Variants in WWOX observed in about 807,000 individuals in gnomAD.
WWOX encodes the protein WW domain-containing oxidoreductase.
Under a neutral mutation model 46.2 loss-of-function variants are expected in WWOX, and 69 were observed. That is an observed-to-expected ratio of 1.49 (90% CI 1.23 to 1.82). WWOX has a LOEUF of 1.82. Ranked by LOEUF, WWOX falls within the 40% of genes most tolerant of loss-of-function variation. The pLI, the probability that WWOX is intolerant of heterozygous loss-of-function variation, is 0.00. For missense variants in WWOX, 919 were observed against 542.6 expected, an observed-to-expected ratio of 1.69 and a Z score of -6.89; for synonymous variants, 359 against 202.6, an observed-to-expected ratio of 1.77 and a Z score of -6.56.
At chr16:78,426,647 G>A (rs138502046) in intron 7 of WWOX, among the ~76,000 whole-genome samples, 5 of 152,096 alleles carry the variant, frequency 3.3e-5, no homozygotes, top group African/African-American at 7.2e-5. Flanking sequence ...ATTATTCTTT[G>A]CACATCGTTA....
intron 8 of WWOX, among the ~76,000 whole-genome samples, chr16:79,144,998 GA>G (rs1258804943): frequency 6.6e-6 from 1 of 152,136 alleles, no homozygotes; most frequent in Non-Finnish European, 1.5e-5. Flanking sequence ...GGGGGTCTTG[GA>G]GTATATCCCC....
intron 8 of WWOX, among the ~76,000 whole-genome samples, chr16:78,911,881 A>T (rs1026507763): frequency 6.6e-6 from 1 of 151,976 alleles, no homozygotes; most frequent in Admixed American, 6.6e-5. Flanking sequence ...GAAAAACTCA[A>T]CGAAACACCC....
chr16:78,568,989 T>G (rs1250999622), intron 8 of WWOX, among the ~76,000 whole-genome samples: 1 of 152,208 alleles, frequency 6.6e-6, no homozygotes, highest in Non-Finnish European at 1.5e-5. Context: ...TACTCTGGAT[T>G]TACCCAGATA....
chr16:78,903,363 C>T (rs1391843529), intron 8 of WWOX, among the ~76,000 whole-genome samples: 1 of 152,178 alleles, frequency 6.6e-6, no homozygotes, highest in Non-Finnish European at 1.5e-5. Context: ...TACAGAGTTG[C>T]TCTTTTATGC....
intron 8 of WWOX, among the ~76,000 whole-genome samples, chr16:78,449,151 G>A (rs889742864): frequency 3.3e-5 from 5 of 152,172 alleles, no homozygotes; most frequent in African/African-American, 7.2e-5. Context: ...TGGCCCAGTG[G>A]ATTGAAGGCT....
intron 5 of WWOX, among the ~76,000 whole-genome samples, chr16:78,191,236 G>T (rs969884243): frequency 6.6e-6 from 1 of 152,132 alleles, no homozygotes; most frequent in African/African-American, 2.4e-5. Context: ...CCCTCCTCTT[G>T]GGGCCCACAG....
intron 5 of WWOX, among the ~76,000 whole-genome samples, chr16:78,206,393 T>C (rs144146043): frequency 0.012 from 1,800 of 152,218 alleles, 24 homozygotes; most frequent in Middle Eastern, 0.024. Context: ...AAAAAAAAGG[T>C]AAAGGTAAAG....
chr16:79,046,917 C>G (rs1190201699), intron 8 of WWOX, among the ~76,000 whole-genome samples: 1 of 152,172 alleles, frequency 6.6e-6, no homozygotes, highest in Non-Finnish European at 1.5e-5. Context: ...TACTCAAATT[C>G]TTAAACAACT....
At chr16:78,153,711 C>G (rs1463396188) in intron 4 of WWOX, among the ~76,000 whole-genome samples, 1 of 152,224 alleles carries the variant, frequency 6.6e-6, no homozygotes. Flanking sequence ...TTAATAATAA[C>G]CACCCATTAG....
chr16:78,504,097 C>T (rs748186713), intron 8 of WWOX, among the ~76,000 whole-genome samples: 1 of 152,052 alleles, frequency 6.6e-6, no homozygotes, highest in Admixed American at 6.6e-5. Context: ...ATGATTAATT[C>T]TCCTATTAAG....
rs1567596309 is a variant in WWOX, at chr16:78,144,458, TATATAC to T, written c.410-19723_410-19718del. 7.8e-4 allele frequency among the ~76,000 whole-genome samples: 27 copies of T among 34,664 alleles called. 8 individuals carry two copies. The highest frequency in any genetic ancestry group is 2.9e-3 in the African/African-American group (25 of 8,608). 22.7% of individuals were successfully genotyped at this position (34,664 alleles called of 152,430 possible). A position where few individuals can be genotyped will look rare whatever the true frequency, so the allele number is the denominator to read the frequency against. On this transcript the variant is annotated intron_variant, in intron 4 of 8. Coordinates refer to ENST00000566780, the MANE Select transcript of WWOX (RefSeq NM_016373.4). ...ATATATATATATATACACATATATA[TATATAC>T]ACACATATATATATATATATATACA...
chr16:78,881,141 C>T (rs1363859820), intron 8 of WWOX, among the ~76,000 whole-genome samples: 2 of 151,790 alleles, frequency 1.3e-5, no homozygotes, highest in African/African-American at 2.4e-5. Flanking sequence ...CACAGGGGCA[C>T]ACCACCATGC....
At chr16:78,592,122 T>A (rs1334087624) in intron 8 of WWOX, among the ~76,000 whole-genome samples, 3 of 152,228 alleles carry the variant, frequency 2.0e-5, no homozygotes, top group African/African-American at 7.2e-5. Context: ...TATTACAATA[T>A]ATGATGTGCA....
intron 8 of WWOX, among the ~76,000 whole-genome samples, chr16:78,435,612 TAGAA>T (rs139116832): frequency 0.01 from 1,585 of 152,256 alleles, 14 homozygotes; most frequent in Non-Finnish European, 0.019. Flanking sequence ...GGGGCACTCA[TAGAA>T]AGGGCACTGG....
At chr16:78,607,419 T>A (rs1036032424) in intron 8 of WWOX, among the ~76,000 whole-genome samples, 1 of 152,202 alleles carries the variant, frequency 6.6e-6, no homozygotes, top group Admixed American at 6.5e-5. Context: ...TATCTTTGCA[T>A]ATATTTGTCC....
At chr16:79,210,110 C>CCAAGT (rs1281431487) in intron 8 of WWOX, among the ~76,000 whole-genome samples, 2 of 152,182 alleles carry the variant, frequency 1.3e-5, no homozygotes, top group Non-Finnish European at 2.9e-5. Context: ...TTATCAAAAC[C>CCAAGT]CAAGTCTTTG....
At chr16:78,797,279 A>G (rs948781231) in intron 8 of WWOX, among the ~76,000 whole-genome samples, 2 of 151,576 alleles carry the variant, frequency 1.3e-5, no homozygotes, top group Non-Finnish European at 1.5e-5. Flanking sequence ...CCTCTGACCC[A>G]AATAAGAACA....
chr16:78,427,643 G>C (rs1030116408), intron 7 of WWOX, among the ~76,000 whole-genome samples: 3 of 152,028 alleles, frequency 2.0e-5, no homozygotes, highest in Admixed American at 6.6e-5. Flanking sequence ...ATTGGGCTTG[G>C]TAGCACATGC....
intron 5 of WWOX, among the ~76,000 whole-genome samples, chr16:78,276,290 G>T (rs1297973244): frequency 6.6e-6 from 1 of 152,182 alleles, no homozygotes; most frequent in African/African-American, 2.4e-5. Context: ...GTCAAATGGG[G>T]TCATAGAGGG....
Sources: allele counts gnomAD v4.1 joint callset (sites outside exome capture counted in the v4.1 genomes callset), GRCh38; gene constraint gnomAD v4.1.1; transcripts MANE v1.5; gene names NCBI Gene and HGNC (gene_info 2026-07-23, HGNC 2026-07-21).